The following NRCAM variants were observed in gnomAD, a reference collection of about 807,000 sequenced individuals.
The protein encoded by NRCAM is NgCAM-related cell adhesion molecule.
Under a neutral mutation model 156.5 loss-of-function variants are expected in NRCAM, and 83 were observed. That is an observed-to-expected ratio of 0.53 (90% CI 0.44 to 0.64). The LOEUF (loss-of-function observed/expected upper bound fraction) is 0.64, where lower values mean the gene tolerates loss of function less well. Among genes scored for constraint, NRCAM ranks in the 30% least tolerant of loss-of-function variants. The probability of loss-of-function intolerance (pLI) is 0.00; values close to 1 mark genes in which losing one functional copy is unlikely to be tolerated. For synonymous variants in NRCAM, 538 were observed against 563.9 expected (o/e 0.95, Z 0.65); for missense variants, 1,417 against 1,597.3 (o/e 0.89, Z 1.92).
At chr7:108,299,924 C>A (rs1447379656) in intron 3 of NRCAM, among the ~76,000 whole-genome samples, 1 of 152,092 alleles carries the variant, frequency 6.6e-6, no homozygotes, top group Non-Finnish European at 1.5e-5. Flanking sequence ...TAACACTGTA[C>A]CTCGATGTCT....
Position 108,184,539 on chromosome 7 carries a change from T to C in NRCAM, c.2111A>G (p.Gln704Arg). 2 of 1,614,116 alleles carry C rather than the reference T, an allele frequency of 1.2e-6. No individual in the cohort carries two copies. Among genetic ancestry groups the C allele is most frequent in the Non-Finnish European group, 8.5e-7 (1 of 1,180,024 alleles). The part of the protein sequence containing the change: ...WHHQTEVSGT[Q>R]TTAQLKLSPY... ...AGACAGCTTCAGCTGGGCTGTGGTC[T>C]GTGTTCCAGAAACTTCAGTTTGGTG... is the stretch of plus-strand genomic sequence containing the variant. The change falls in exon 21 of 33, where the codon CAG becomes CGG. Residue 704 changes from glutamine to arginine, a missense_variant. Coordinates refer to ENST00000379028, the MANE Select transcript of NRCAM (RefSeq NM_001037132.4).
chr7:108,396,264 C>G (rs1162756826), intron 2 of NRCAM, among the ~76,000 whole-genome samples: 1 of 152,190 alleles, frequency 6.6e-6, no homozygotes, highest in East Asian at 1.9e-4. Flanking sequence ...ACTTTTGTTA[C>G]TGGCAGCTTT....
At chr7:108,295,809 C>CT in intron 3 of NRCAM, among the ~76,000 whole-genome samples, 1 of 152,316 alleles carries the variant, frequency 6.6e-6, no homozygotes, top group Non-Finnish European at 1.5e-5. Context: ...GTGACAACCA[C>CT]CAAAGTACCT....
At chr7:108,430,165 T>C (rs1823106056) in intron 1 of NRCAM, among the ~76,000 whole-genome samples, 1 of 152,184 alleles carries the variant, frequency 6.6e-6, no homozygotes, top group South Asian at 2.1e-4. Flanking sequence ...TGGTTTGTTT[T>C]CGTTTTTGGT....
chr7:108,378,114 T>C (rs1019630083), intron 2 of NRCAM, among the ~76,000 whole-genome samples: 2 of 152,062 alleles, frequency 1.3e-5, no homozygotes, highest in African/African-American at 4.8e-5. Context: ...GAAAAAGACA[T>C]CATGAGAAAG....
intron 13 of NRCAM, among the ~76,000 whole-genome samples, chr7:108,202,302 T>G (rs2078618278): frequency 6.6e-6 from 1 of 152,158 alleles, no homozygotes; most frequent in African/African-American, 2.4e-5. Context: ...ATGAGAATAA[T>G]AATAATAATC....
chr7:108,349,732 T>G (rs1041601548), intron 2 of NRCAM, among the ~76,000 whole-genome samples: 1 of 152,154 alleles, frequency 6.6e-6, no homozygotes, highest in African/African-American at 2.4e-5. Context: ...CAATATGACG[T>G]TTCTTACTGT....
chr7:108,416,252 A>G (rs1003060020), intron 1 of NRCAM, among the ~76,000 whole-genome samples: 2 of 152,268 alleles, frequency 1.3e-5, no homozygotes, highest in African/African-American at 2.4e-5. Flanking sequence ...GGAGTAGGAT[A>G]GAGACAGCAG....
At chr7:108,323,889 A>G (rs1593365435) in intron 2 of NRCAM, among the ~76,000 whole-genome samples, 1 of 152,232 alleles carries the variant, frequency 6.6e-6, no homozygotes, top group East Asian at 1.9e-4. Flanking sequence ...TGAATGTGAG[A>G]GCCACTGCGA....
At chr7:108,319,239 T>C (rs1359546704) in intron 2 of NRCAM, among the ~76,000 whole-genome samples, 3 of 152,192 alleles carry the variant, frequency 2.0e-5, no homozygotes, top group Non-Finnish European at 4.4e-5. Context: ...GGAAAAAAAT[T>C]CAACTTATAC....
intron 3 of NRCAM, among the ~76,000 whole-genome samples, chr7:108,288,552 A>T (rs1311798216): frequency 2.6e-5 from 4 of 152,096 alleles, no homozygotes; most frequent in African/African-American, 9.7e-5. Flanking sequence ...GTTTTAGCTC[A>T]CTTCTCATCA....
chr7:108,378,357 C>T (rs2099685188), intron 2 of NRCAM, among the ~76,000 whole-genome samples: 1 of 151,722 alleles, frequency 6.6e-6, no homozygotes, highest in Non-Finnish European at 1.5e-5. Flanking sequence ...TAATAAGACA[C>T]AGGTAAAAAG....
chr7:108,330,574 G>A (rs1157069524), intron 2 of NRCAM, among the ~76,000 whole-genome samples: 1 of 152,136 alleles, frequency 6.6e-6, no homozygotes, highest in African/African-American at 2.4e-5. Flanking sequence ...TTGGTAAATA[G>A]AGGTACTGGG....
chr7:108,297,436 A>T (rs2098472580), intron 3 of NRCAM, among the ~76,000 whole-genome samples: 1 of 152,240 alleles, frequency 6.6e-6, no homozygotes, highest in South Asian at 2.1e-4. Flanking sequence ...TGTCACAGAA[A>T]ATTAAAGCAG....
chr7:108,308,658 C>G (rs760301119), intron 3 of NRCAM, among the ~76,000 whole-genome samples: 5 of 152,198 alleles, frequency 3.3e-5, no homozygotes, highest in Non-Finnish European at 5.9e-5. Flanking sequence ...ATGGCATTAT[C>G]CTTACCCAGC....
intron 2 of NRCAM, among the ~76,000 whole-genome samples, chr7:108,366,518 T>G (rs2154333598): frequency 6.6e-6 from 1 of 152,336 alleles, no homozygotes; most frequent in Middle Eastern, 3.4e-3. Flanking sequence ...TAACTTGAAT[T>G]TAAATGTTAG....
At chr7:108,193,903 T>G in intron 17 of NRCAM, 121 bp downstream of exon 17, 1 of 932,168 alleles carries the variant, frequency 1.1e-6, no homozygotes, top group East Asian at 2.6e-5. Flanking sequence ...TCTCTCTATT[T>G]TGGAGACAGC....
At position 108,344,540 on chromosome 7, in the gene NRCAM, G is replaced by A. The variant is rs140231865; in HGVS notation, c.-173-31809C>T. ...ACCAAAATGAAAAACTGGTTAACAC[G>A]TCTAATATTTCCATAACTCATTTTT... is the stretch of plus-strand genomic sequence containing the variant. On this transcript the variant is annotated intron_variant, in intron 2 of 32. Transcript: ENST00000379028. Among the ~76,000 whole-genome samples, 1,155 of 152,074 alleles carry A rather than the reference G, an allele frequency of 7.6e-3. 6 individuals are homozygous for A. Among genetic ancestry groups the A allele is most frequent in the Non-Finnish European group, 0.012 (800 of 68,004 alleles).
intron 2 of NRCAM, among the ~76,000 whole-genome samples, chr7:108,394,051 T>G (rs913364548): frequency 2.0e-5 from 3 of 152,176 alleles, no homozygotes; most frequent in African/African-American, 7.2e-5. Context: ...TCAGCCAACC[T>G]TTCAGGTCCT....
Sources: allele counts gnomAD v4.1 joint callset (sites outside exome capture counted in the v4.1 genomes callset), GRCh38; gene constraint gnomAD v4.1.1; transcripts MANE v1.5; gene names NCBI Gene and HGNC (gene_info 2026-07-23, HGNC 2026-07-21).